XCR1: variants seen among roughly 807,000 people sequenced by gnomAD.
The protein encoded by XCR1 is chemokine XC receptor 1.
For missense variants in XCR1, 356 were observed against 424.2 expected (o/e 0.84, Z 1.41); for synonymous variants, 187 against 188.5 (o/e 0.99, Z 0.06).
chr3:46,065,519 T>G (rs746406683), intron 4 of XCR1, among the ~76,000 whole-genome samples: 2 of 152,204 alleles, frequency 1.3e-5, no homozygotes, highest in Non-Finnish European at 2.9e-5. Context: ...GATACTCCCT[T>G]GATGTCGGGT....
chr3:46,081,841 A>C (rs9838450), intron 1 of XCR1, among the ~76,000 whole-genome samples: 34,539 of 151,880 alleles, frequency 0.23, 5,320 homozygotes, highest in African/African-American at 0.43. Context: ...GTTTTTCAGC[A>C]CTTGCCTCCC....
chr3:46,038,216 C>CTA lies in XCR1; in HGVS notation c.-32+15702_-32+15703dup, dbSNP rs1203886273. Among the ~76,000 whole-genome samples, 12 of 151,866 alleles carry CTA rather than the reference C, an allele frequency of 7.9e-5. No individual in the cohort carries two copies. In the East Asian group the frequency reaches 2.3e-3, roughly 29 times the overall value. On this transcript the variant is annotated intron_variant, in intron 5 of 5. Coordinates refer to the XCR1 transcript ENST00000683768. ...TATTTTTCTGAGAGGTGGGGTTTCACTATGTTGGCCAGGCTTGTCTGGAAT... is the reference window on the plus strand; with the variant it reads ...TATTTTTCTGAGAGGTGGGGTTTCACTATATGTTGGCCAGGCTTGTCTGGAAT...
intron 5 of XCR1, among the ~76,000 whole-genome samples, chr3:46,043,011 G>T (rs1334707394): frequency 6.8e-6 from 1 of 147,306 alleles, no homozygotes; most frequent in Non-Finnish European, 1.5e-5. Flanking sequence ...AAGAGTGGTG[G>T]TTCAATATAA....
At chr3:46,069,625 T>C (rs1446165008) in intron 3 of XCR1, among the ~76,000 whole-genome samples, 1 of 152,214 alleles carries the variant, frequency 6.6e-6, no homozygotes, top group Non-Finnish European at 1.5e-5. Flanking sequence ...ATTTTGTATG[T>C]TATATGTATT....
upstream of XCR1, among the ~76,000 whole-genome samples, chr3:46,031,001 G>A (rs1017119168): frequency 6.6e-6 from 1 of 152,262 alleles, no homozygotes; most frequent in Admixed American, 6.5e-5. Flanking sequence ...CCTGCACCTT[G>A]CCCAGAACCA....
intron 3 of XCR1, among the ~76,000 whole-genome samples, chr3:46,073,366 G>A (rs1450524658): frequency 2.6e-5 from 4 of 152,032 alleles, no homozygotes; most frequent in South Asian, 4.1e-4. Context: ...AGGCTGAGGC[G>A]GGCAGATCAC....
At chr3:46,080,297 C>T (rs1021436934) in intron 1 of XCR1, among the ~76,000 whole-genome samples, 1 of 152,096 alleles carries the variant, frequency 6.6e-6, no homozygotes, top group African/African-American at 2.4e-5. Context: ...TTAGATACTC[C>T]AGAGAGCAAA....
chr3:46,064,495 C>T (rs984745970), intron 4 of XCR1, among the ~76,000 whole-genome samples: 3 of 152,164 alleles, frequency 2.0e-5, no homozygotes, highest in Non-Finnish European at 2.9e-5. Flanking sequence ...AGATGAAGTC[C>T]AATTCCACTC....
At chr3:46,054,889 G>A (rs561153778) in intron 4 of XCR1, among the ~76,000 whole-genome samples, 24 of 152,308 alleles carry the variant, frequency 1.6e-4, no homozygotes, top group Admixed American at 1.4e-3. Context: ...GTGGTCCACA[G>A]ACACGGATGA....
intron 4 of XCR1, among the ~76,000 whole-genome samples, chr3:46,060,886 C>G (rs567108273): frequency 6.6e-6 from 1 of 152,288 alleles, no homozygotes; most frequent in African/African-American, 2.4e-5. Flanking sequence ...TTCTATCAAG[C>G]CTGCTGCTTC....
At chr3:46,026,244 C>T (rs1453697992) in intron 1 of XCR1, among the ~76,000 whole-genome samples, 1 of 152,118 alleles carries the variant, frequency 6.6e-6, no homozygotes, top group Admixed American at 6.5e-5. Flanking sequence ...CAGTCATGTT[C>T]TGGGCCTGGA....
chr3:46,076,576 T>TG (rs1698264039), intron 2 of XCR1, among the ~76,000 whole-genome samples: 1 of 99,388 alleles, frequency 1.0e-5, no homozygotes, highest in Non-Finnish European at 2.0e-5. Context: ...GCCATTATTT[T>TG]GAAAAAAAAA....
At chr3:46,061,936 A>C (rs1293165584) in intron 4 of XCR1, among the ~76,000 whole-genome samples, 1 of 152,084 alleles carries the variant, frequency 6.6e-6, no homozygotes, top group East Asian at 1.9e-4. Flanking sequence ...TCTGGCATAG[A>C]AGGTATCTTC....
Position 46,021,882 on chromosome 3 carries a change from A to G in XCR1, c.66T>C (p.Cys22=). 1 of 1,614,142 alleles carries G rather than the reference A, an allele frequency of 6.2e-7. No individual in the cohort carries two copies. The highest frequency in any genetic ancestry group is 1.1e-5 in the South Asian group (1 of 91,078). Residue 22 remains cysteine (C), a synonymous_variant, in exon 2 of 2, where the codon TGT becomes TGC. Transcript: ENST00000309285. The surrounding 1 kb of genome is among the most constrained non-coding windows in gnomAD (Gnocchi z 4.7). The stretch of plus-strand genomic sequence containing the variant: ...TAGCAAAGACCCAGGCCTGGTTCTC[A>G]CACGGCTGGCTCTGAAGGTCATAGT... The part of the protein sequence containing the change: ...FFYYDLQSQP[C]ENQAWVFATL...
At chr3:46,027,588 G>C (rs996847498), upstream of XCR1, 1 of 152,058 alleles carries the variant, frequency 6.6e-6, no homozygotes, top group South Asian at 2.1e-4. Context: ...TGAGAGAGGA[G>C]GAAGGAAGAA....
In XCR1 at chr3:46,049,540, GT is replaced by G. The variant is rs1188374441; in HGVS notation, c.-32+4379del. On this transcript the variant is annotated intron_variant, in intron 5 of 5. Coordinates refer to the XCR1 transcript ENST00000683768. ...GTCTAGTGTATTTTTAATTGTAGCA[GT>G]TTCTATGTGACTGGCTACATTTACA... 2.6e-5 allele frequency among the ~76,000 whole-genome samples: 4 copies of G among 152,306 alleles called. No individual in the cohort carries two copies. The East Asian group carries it at 5.8e-4, about 22-fold the overall frequency.
intron 5 of XCR1, among the ~76,000 whole-genome samples, chr3:46,038,287 G>T (rs2125897050): frequency 6.6e-6 from 1 of 151,998 alleles, no homozygotes; most frequent in Non-Finnish European, 1.5e-5. Flanking sequence ...CAAAGTGCTG[G>T]GATTACAGGC....
chr3:46,036,399 T>C (rs1213908922), intron 5 of XCR1, among the ~76,000 whole-genome samples: 5 of 152,256 alleles, frequency 3.3e-5, no homozygotes, highest in Non-Finnish European at 7.3e-5. Context: ...CCAATGACTT[T>C]GTATGTGTGC....
intron 5 of XCR1, among the ~76,000 whole-genome samples, chr3:46,049,795 G>A (rs1014638340): frequency 6.6e-6 from 1 of 152,206 alleles, no homozygotes; most frequent in African/African-American, 2.4e-5. Context: ...CAGGAAGAAT[G>A]AAAGAATGGA....
Sources: allele counts gnomAD v4.1 joint callset (sites outside exome capture counted in the v4.1 genomes callset), GRCh38; gene constraint gnomAD v4.1.1; non-coding constraint Gnocchi (gnomAD v3.1); transcripts MANE v1.5; gene names NCBI Gene and HGNC (gene_info 2026-07-23, HGNC 2026-07-21).